Variants in ANKS1B observed in about 807,000 individuals in gnomAD.
ANKS1B encodes the protein ankyrin repeat and sterile alpha motif domain-containing protein 1B.
ANKS1B carries 36 observed loss-of-function variants against 148.3 expected under a neutral mutation model. That is an observed-to-expected ratio of 0.24 (90% CI 0.19 to 0.32). The LOEUF (loss-of-function observed/expected upper bound fraction) is 0.32. ANKS1B is among the 10% of genes least tolerant of loss of function. ANKS1B has a pLI of 1.00. For synonymous variants in ANKS1B, 542 were observed against 560.8 expected, an observed-to-expected ratio of 0.97 and a Z score of 0.47; for missense variants, 1,157 against 1,542.6, an observed-to-expected ratio of 0.75 and a Z score of 4.19.
chr12:98,950,937 T>G (rs2099853194), intron 17 of ANKS1B, among the ~76,000 whole-genome samples: 1 of 152,286 alleles, frequency 6.6e-6, no homozygotes, highest in South Asian at 2.1e-4. Context: ...TTCCTTCTAA[T>G]AGTACTTCTA....
rs879035312 is a variant in ANKS1B, at chr12:99,950,087, C to G, written c.134+34017G>C. Among the ~76,000 whole-genome samples the G allele has an allele frequency of 2.7e-5, 4 of 147,898 alleles. No individual in the cohort carries two copies. In the Admixed American group the frequency reaches 2.7e-4, roughly 10 times the overall value. ...TCAGCCTCCCAAATAGCTGGGATTA[C>G]AGGTGCACGCCATCATGCTCAGTTA... On this transcript the variant is annotated intron_variant, in intron 1 of 26. Transcript: ENST00000683438.
intron 12 of ANKS1B, among the ~76,000 whole-genome samples, chr12:99,269,118 A>C (rs915368862): frequency 6.6e-6 from 1 of 152,172 alleles, no homozygotes; most frequent in Non-Finnish European, 1.5e-5. Flanking sequence ...TACATTCTCT[A>C]ATTCTTATCT....
chr12:99,955,557 C>T (rs995305136), intron 1 of ANKS1B, among the ~76,000 whole-genome samples: 2 of 138,932 alleles, frequency 1.4e-5, no homozygotes, highest in African/African-American at 2.6e-5. Flanking sequence ...TTTGGAGTCT[C>T]AGCATTCCAT....
At chr12:99,521,393 C>A (rs576591890) in intron 9 of ANKS1B, among the ~76,000 whole-genome samples, 2 of 152,086 alleles carry the variant, frequency 1.3e-5, no homozygotes, top group African/African-American at 2.4e-5. Context: ...GTCCTTAGTG[C>A]CTTACTGAGT....
At chr12:99,116,062 T>C (rs1019703356) in intron 15 of ANKS1B, among the ~76,000 whole-genome samples, 2 of 152,160 alleles carry the variant, frequency 1.3e-5, no homozygotes, top group African/African-American at 4.8e-5. Flanking sequence ...TTCCTCATCA[T>C]TAAACTGGGG....
At chr12:99,460,473 C>T (rs1381373781) in intron 10 of ANKS1B, among the ~76,000 whole-genome samples, 1 of 152,028 alleles carries the variant, frequency 6.6e-6, no homozygotes, top group Non-Finnish European at 1.5e-5. Context: ...GCAGAGTAAA[C>T]AGACAACCCA....
chr12:99,339,212 C>T (rs1026488065), intron 12 of ANKS1B, among the ~76,000 whole-genome samples: 1 of 152,188 alleles, frequency 6.6e-6, no homozygotes, highest in African/African-American at 2.4e-5. Flanking sequence ...CAAGCTGGAA[C>T]GGATAATTCC....
At chr12:98,847,323 G>C in intron 17 of ANKS1B, among the ~76,000 whole-genome samples, 1 of 152,098 alleles carries the variant, frequency 6.6e-6, no homozygotes, top group East Asian at 1.9e-4. Flanking sequence ...TACGGGTTTA[G>C]CTATATTAGA....
intron 8 of ANKS1B, among the ~76,000 whole-genome samples, chr12:99,697,191 C>A (rs187069771): frequency 6.6e-6 from 1 of 152,304 alleles, no homozygotes; most frequent in Non-Finnish European, 1.5e-5. Flanking sequence ...AAGCTAAGCA[C>A]AATCCTACCA....
intron 17 of ANKS1B, among the ~76,000 whole-genome samples, chr12:98,909,439 A>G (rs2152828989): frequency 6.6e-6 from 1 of 152,362 alleles, no homozygotes; most frequent in South Asian, 2.1e-4. Context: ...ACAGCTAGTA[A>G]GCAGCAAAAA....
chr12:99,897,295 A>T (rs2093419334), intron 1 of ANKS1B, among the ~76,000 whole-genome samples: 1 of 151,320 alleles, frequency 6.6e-6, no homozygotes, highest in Admixed American at 6.6e-5. Flanking sequence ...AATTATATTC[A>T]AAATGGAAGC....
intron 9 of ANKS1B, among the ~76,000 whole-genome samples, chr12:99,570,197 A>C (rs2097437566): frequency 1.3e-5 from 2 of 152,084 alleles, no homozygotes; most frequent in Admixed American, 1.3e-4. Context: ...AACATCTTTC[A>C]TCTGCCAGCT....
At chr12:98,984,129 AT>A (rs1274722423) in intron 17 of ANKS1B, among the ~76,000 whole-genome samples, 2 of 152,080 alleles carry the variant, frequency 1.3e-5, no homozygotes, top group East Asian at 3.9e-4. Context: ...TCCCTTCTCT[AT>A]TTTTGGCTTC....
chr12:99,941,646 T>C (rs879387176), intron 1 of ANKS1B, among the ~76,000 whole-genome samples: 4 of 152,226 alleles, frequency 2.6e-5, no homozygotes, highest in Non-Finnish European at 5.9e-5. Flanking sequence ...AGTCAATCTG[T>C]CATCTCAATA....
intron 17 of ANKS1B, among the ~76,000 whole-genome samples, chr12:99,016,352 C>T (rs1165161785): frequency 6.6e-6 from 1 of 152,096 alleles, no homozygotes; most frequent in Non-Finnish European, 1.5e-5. Context: ...CTCAGATTTG[C>T]TGAAAGAGCC....
At chr12:99,077,523 T>C (rs1488940020) in intron 16 of ANKS1B, among the ~76,000 whole-genome samples, 2 of 152,214 alleles carry the variant, frequency 1.3e-5, no homozygotes, top group Non-Finnish European at 2.9e-5. Context: ...AACAAGTTTC[T>C]ATCATTTTTC....
intron 8 of ANKS1B, among the ~76,000 whole-genome samples, chr12:99,678,370 G>C (rs2153478950): frequency 6.6e-6 from 1 of 152,296 alleles, no homozygotes; most frequent in Non-Finnish European, 1.5e-5. Context: ...TTGGAGGCTA[G>C]AAAGAACCTG....
chr12:99,484,648 T>C (rs1294346522), intron 10 of ANKS1B, among the ~76,000 whole-genome samples: 1 of 151,818 alleles, frequency 6.6e-6, no homozygotes, highest in Non-Finnish European at 1.5e-5. Context: ...AGTAGTAATG[T>C]TTCATAAATC....
chr12:99,734,978 G>T (rs1264268438), intron 8 of ANKS1B, among the ~76,000 whole-genome samples: 1 of 152,012 alleles, frequency 6.6e-6, no homozygotes, highest in Non-Finnish European at 1.5e-5. Flanking sequence ...ATGGTTACTG[G>T]TACCATTCAG....
Sources: gnomAD v4.1 joint callset for allele counts (sites outside exome capture counted in the v4.1 genomes callset) on GRCh38, gnomAD v4.1.1 for gene constraint, MANE v1.5 for transcripts, NCBI Gene and HGNC (gene_info 2026-07-23, HGNC 2026-07-21) for gene names.